Variants in LMNTD1 observed in about 807,000 individuals in gnomAD.
The protein encoded by LMNTD1 is lamin tail domain-containing protein 1.
A neutral mutation model predicts 50.9 loss-of-function variants in LMNTD1; 35 were observed. The ratio of observed to expected loss-of-function variants is 0.69; its 90% CI spans 0.53 to 0.91. The LOEUF (loss-of-function observed/expected upper bound fraction) is 0.91. LMNTD1 is among the 40% of genes least tolerant of loss of function. The pLI, the probability that LMNTD1 is intolerant of heterozygous loss-of-function variation, is 0.00. For synonymous variants in LMNTD1, 153 were observed against 161.9 expected (o/e 0.94, Z 0.42); for missense variants, 470 against 475.5 (o/e 0.99, Z 0.11).
chr12:25,525,148 T>C (rs1941616196), intron 6 of LMNTD1, among the ~76,000 whole-genome samples: 1 of 152,212 alleles, frequency 6.6e-6, no homozygotes, highest in Admixed American at 6.5e-5. Flanking sequence ...TTTTTTGTTG[T>C]TGTAAAAAGA....
At chr12:25,512,616 AG>A (rs1940389057) in intron 8 of LMNTD1, among the ~76,000 whole-genome samples, 1 of 152,070 alleles carries the variant, frequency 6.6e-6, no homozygotes, top group South Asian at 2.1e-4. Context: ...ATTTATAAGG[AG>A]GTGAAAATGT....
At chr12:25,548,698 C>T (rs853240) in intron 3 of LMNTD1, among the ~76,000 whole-genome samples, 117,008 of 151,714 alleles carry the variant, frequency 0.77, 45,950 homozygotes, top group East Asian at 0.9. Flanking sequence ...CACGGAAACA[C>T]ACCCTCAAAG....
chr12:25,539,332 C>G, intron 4 of LMNTD1, among the ~76,000 whole-genome samples: 1 of 152,060 alleles, frequency 6.6e-6, no homozygotes, highest in East Asian at 1.9e-4. Flanking sequence ...AAGTAAAGCT[C>G]TCCTCAGGAA....
At position 25,519,586 on chromosome 12, in the gene LMNTD1, TCAAA is replaced by T. The variant is rs1165513253; in HGVS notation, c.1016+268_1016+271del. 1.5e-4 allele frequency among the ~76,000 whole-genome samples: 11 copies of T among 74,940 alleles called. 1 individual carries two copies. The South Asian group carries it at 1.6e-3, about 11-fold the overall frequency. 49.2% of individuals were successfully genotyped at this position (74,940 alleles called of 152,430 possible). A position where few individuals can be genotyped will look rare whatever the true frequency, so the allele number is the denominator to read the frequency against. On this transcript the variant is annotated intron_variant, in intron 7 of 9. Coordinates refer to ENST00000458174, the MANE Select transcript of LMNTD1 (RefSeq NM_001145728.2). ...CTGGGTGACAGAGCGAGACTCTGTC[TCAAA>T]AAAAAAAAAAAAAAAAAAGTGAAAT...
At chr12:25,590,013 A>C (rs184562858) in intron 1 of LMNTD1, among the ~76,000 whole-genome samples, 171 of 152,308 alleles carry the variant, frequency 1.1e-3, no homozygotes, top group Non-Finnish European at 1.1e-3. Flanking sequence ...AGTTTCCACC[A>C]ATCATGCCCC....
intron 9 of LMNTD1, among the ~76,000 whole-genome samples, chr12:25,490,823 G>T (rs891053683): frequency 7.9e-5 from 12 of 152,216 alleles, no homozygotes; most frequent in Non-Finnish European, 1.8e-4. Flanking sequence ...CAGGAAGAGA[G>T]TTAAAATGTG....
chr12:25,527,677 TATATACACACACACACACACACAC>T (rs1941884996), intron 4 of LMNTD1, among the ~76,000 whole-genome samples: 2 of 19,590 alleles, frequency 1.0e-4, no homozygotes, highest in African/African-American at 2.5e-4. Context: ...TATATATATA[TATATACACACACACACACACACAC>T]ACACACACAC....
intron 7 of LMNTD1, 114 bp downstream of exon 7, chr12:25,519,744 A>T: frequency 1.4e-6 from 1 of 699,608 alleles, no homozygotes; most frequent in Non-Finnish European, 2.4e-6. Flanking sequence ...TCCAAAAATC[A>T]CTATTGATTT....
chr12:25,507,715 CCTA>C (rs1402067202), intron 8 of LMNTD1, among the ~76,000 whole-genome samples: 1 of 152,154 alleles, frequency 6.6e-6, no homozygotes, highest in Non-Finnish European at 1.5e-5. Flanking sequence ...GACACATAAT[CCTA>C]CTATTTGCAG....
At chr12:25,602,075 A>C (rs1386794256) in intron 1 of LMNTD1, among the ~76,000 whole-genome samples, 2 of 151,896 alleles carry the variant, frequency 1.3e-5, no homozygotes, top group Non-Finnish European at 2.9e-5. Flanking sequence ...GACTATATCT[A>C]TCCATGCTTC....
At chr12:25,523,635 G>A (rs1245587815) in intron 6 of LMNTD1, among the ~76,000 whole-genome samples, 1 of 152,126 alleles carries the variant, frequency 6.6e-6, no homozygotes, top group Non-Finnish European at 1.5e-5. Flanking sequence ...GTAATATCCA[G>A]TGCTATGAAA....
At chr12:25,528,444 T>C (rs1022692271) in intron 4 of LMNTD1, among the ~76,000 whole-genome samples, 5 of 152,192 alleles carry the variant, frequency 3.3e-5, no homozygotes, top group African/African-American at 1.2e-4. Context: ...TGAACTCTGC[T>C]AGAAAACGCA....
chr12:25,617,673 C>T (rs920291333), intron 1 of LMNTD1, among the ~76,000 whole-genome samples: 1 of 152,174 alleles, frequency 6.6e-6, no homozygotes, highest in African/African-American at 2.4e-5. Context: ...ATAAAATGAT[C>T]TTCTTTCTTT....
chr12:25,515,228 AT>A (rs1160263070), intron 8 of LMNTD1, among the ~76,000 whole-genome samples: 1 of 151,962 alleles, frequency 6.6e-6, no homozygotes, highest in East Asian at 1.9e-4. Flanking sequence ...ATATTTAAAA[AT>A]TTTTTCATCT....
At chr12:25,498,383 C>A (rs1278014809) in intron 9 of LMNTD1, among the ~76,000 whole-genome samples, 1 of 152,162 alleles carries the variant, frequency 6.6e-6, no homozygotes, top group Non-Finnish European at 1.5e-5. Flanking sequence ...TAAGTGTAGG[C>A]AGGTTTAAAA....
intron 4 of LMNTD1, among the ~76,000 whole-genome samples, chr12:25,531,678 T>C (rs1942236485): frequency 6.6e-6 from 1 of 152,212 alleles, no homozygotes; most frequent in Non-Finnish European, 1.5e-5. Flanking sequence ...TTTGGCTTGA[T>C]GTCTTTCATT....
chr12:25,647,906 G>A (rs935814656), intron 1 of LMNTD1, among the ~76,000 whole-genome samples: 1 of 152,134 alleles, frequency 6.6e-6, no homozygotes, highest in Admixed American at 6.5e-5. Flanking sequence ...GAGACTTTAG[G>A]ACAAATTATC....
chr12:25,568,250 G>C (rs1293335914), intron 1 of LMNTD1, among the ~76,000 whole-genome samples: 1 of 152,232 alleles, frequency 6.6e-6, no homozygotes, highest in African/African-American at 2.4e-5. Flanking sequence ...TGATGACTTA[G>C]AGTATCTGTT....
intron 1 of LMNTD1, among the ~76,000 whole-genome samples, chr12:25,562,636 G>T (rs1031651061): frequency 6.6e-6 from 1 of 152,204 alleles, no homozygotes; most frequent in Non-Finnish European, 1.5e-5. Flanking sequence ...TTCTCGAGAA[G>T]TATCTTTGTG....
Sources: gnomAD v4.1 joint callset for allele counts (sites outside exome capture counted in the v4.1 genomes callset) on GRCh38, gnomAD v4.1.1 for gene constraint, MANE v1.5 for transcripts, NCBI Gene and HGNC (gene_info 2026-07-23, HGNC 2026-07-21) for gene names.